Variants in PLS3 observed in about 807,000 individuals in gnomAD.
PLS3 encodes the protein plastin-3.
In PLS3, 11 loss-of-function variants were observed where a neutral mutation model predicts 46.5. That is an observed-to-expected ratio of 0.24 (90% CI 0.15 to 0.39). PLS3 has a LOEUF of 0.39. Among genes scored for constraint, PLS3 ranks in the 10% least tolerant of loss-of-function variants. PLS3 has a pLI of 1.00. For missense variants in PLS3, 308 were observed against 461.8 expected, an observed-to-expected ratio of 0.67 and a Z score of 3.05; for synonymous variants, 167 against 162.2, an observed-to-expected ratio of 1.03 and a Z score of -0.22.
intron 1 of PLS3, among the ~76,000 whole-genome samples, chrX:115,580,659 T>G (rs1157748543): frequency 8.9e-6 from 1 of 111,875 alleles, no homozygotes; most frequent in Non-Finnish European, 1.9e-5. Context: ...CATGTTAATT[T>G]TTAAAAGAAG....
intron 1 of PLS3, among the ~76,000 whole-genome samples, chrX:115,591,148 A>AG (rs1346219953): frequency 8.9e-6 from 1 of 112,643 alleles, no homozygotes; most frequent in African/African-American, 3.2e-5. Flanking sequence ...CAAAAAAAAA[A>AG]CAAACCAAAA....
intron 1 of PLS3, among the ~76,000 whole-genome samples, chrX:115,596,207 A>G (rs1011116938): frequency 3.6e-5 from 4 of 111,973 alleles, no homozygotes; most frequent in Admixed American, 9.5e-5. Context: ...ACGTTATTGA[A>G]CTTGACTATT....
At chrX:115,600,919 A>G (rs973570032) in intron 1 of PLS3, among the ~76,000 whole-genome samples, 6 of 110,748 alleles carry the variant, frequency 5.4e-5, no homozygotes, top group Non-Finnish European at 1.9e-5. Context: ...TATTCTAAGC[A>G]TGAGACGCAG....
At chrX:115,569,260 G>A (rs1363874715) in intron 1 of PLS3, among the ~76,000 whole-genome samples, 1 of 110,602 alleles carries the variant, frequency 9.0e-6, no homozygotes, top group East Asian at 2.8e-4. Flanking sequence ...AACTGTTAAT[G>A]GGGGAAGGGA....
chrX:115,587,651 C>T (rs2074318145), intron 1 of PLS3, among the ~76,000 whole-genome samples: 1 of 107,409 alleles, frequency 9.3e-6, no homozygotes. Context: ...AGGAGAATGG[C>T]GTGAACTAGG....
At chrX:115,638,890 A>G (rs1276186857) in intron 8 of PLS3, among the ~76,000 whole-genome samples, 1 of 108,085 alleles carries the variant, frequency 9.3e-6, no homozygotes, top group East Asian at 2.9e-4. Context: ...TTTTTTTTGT[A>G]TTTTTAGTAG....
chrX:115,618,011 C>T (rs932854449), intron 2 of PLS3, among the ~76,000 whole-genome samples: 3 of 111,260 alleles, frequency 2.7e-5, no homozygotes, highest in Non-Finnish European at 5.7e-5. Flanking sequence ...ACTGCAGCCT[C>T]GAAATCCTGG....
intron 1 of PLS3, chrX:115,593,593 G>GTGC (rs1272492142): frequency 1.8e-5 from 2 of 110,998 alleles, no homozygotes; most frequent in Admixed American, 1.9e-4. Flanking sequence ...CTGTCTATCA[G>GTGC]TGCTGCGAGA....
chrX:115,630,735 TATATATATTTACAC>T (rs1380991855), intron 5 of PLS3, among the ~76,000 whole-genome samples: 1 of 94,805 alleles, frequency 1.1e-5, no homozygotes, highest in African/African-American at 3.9e-5. Context: ...TATATGTGTG[TATATATATTTACAC>T]ATATATATTT....
chrX:115,629,354 A>G, intron 4 of PLS3, 27 bp downstream of exon 4: 1 of 1,159,403 alleles, frequency 8.6e-7, no homozygotes. Flanking sequence ...CAATAGGTTA[A>G]CACAATGTGC....
intron 5 of PLS3, among the ~76,000 whole-genome samples, chrX:115,630,944 AATAT>A (rs1270062569): frequency 2.1e-5 from 2 of 96,543 alleles, no homozygotes; most frequent in Non-Finnish European, 4.0e-5. Flanking sequence ...ATATATGTAT[AATAT>A]ATATAAAATA....
chrX:115,584,260 T>C (rs1556632166), intron 1 of PLS3, among the ~76,000 whole-genome samples: 2 of 112,450 alleles, frequency 1.8e-5, no homozygotes, highest in African/African-American at 6.5e-5. Context: ...CATACATCCA[T>C]TTAATAAATA....
chrX:115,566,799 C>A (rs2074177346), intron 1 of PLS3, among the ~76,000 whole-genome samples: 1 of 111,337 alleles, frequency 9.0e-6, no homozygotes, highest in Non-Finnish European at 1.9e-5. Context: ...GTGCCTCAGC[C>A]TCCTGAGTAG....
intron 5 of PLS3, among the ~76,000 whole-genome samples, chrX:115,632,948 C>G (rs2147545766): frequency 9.1e-6 from 1 of 110,160 alleles, no homozygotes; most frequent in South Asian, 3.9e-4. Context: ...CTTGCTTAGG[C>G]TAGACTTGAA....
At chrX:115,604,356 G>A (rs1193364842) in intron 1 of PLS3, among the ~76,000 whole-genome samples, 1 of 111,835 alleles carries the variant, frequency 8.9e-6, no homozygotes, top group African/African-American at 3.2e-5. Context: ...CTTTCATGAA[G>A]GATTTGAAGT....
chrX:115,578,214 G>A (rs1440904231), intron 1 of PLS3, among the ~76,000 whole-genome samples: 3 of 111,707 alleles, frequency 2.7e-5, no homozygotes, highest in Non-Finnish European at 5.6e-5. Flanking sequence ...TTGGGGAGAA[G>A]TGTCACTTGA....
At position 115,649,601 on chromosome X, in the gene PLS3, A is replaced by C; in HGVS notation, c.*40A>C. On this transcript the variant is annotated 3_prime_UTR_variant, in exon 16 of 16. Coordinates refer to ENST00000355899, the MANE Select transcript of PLS3 (RefSeq NM_005032.7). The stretch of plus-strand genomic sequence containing the variant: ...ATAAAACAGCCATGCTCCCAGGTGC[A>C]TGATTCGCAGGTCAGCTATTTCCAG... 8.6e-7 allele frequency: 1 copy of C among 1,157,852 alleles called. No homozygotes were observed. Among genetic ancestry groups the C allele is most frequent in the Non-Finnish European group, 1.2e-6 (1 of 856,051 alleles).
intron 2 of PLS3, among the ~76,000 whole-genome samples, chrX:115,620,555 G>GGGGTCATATC (rs1368474213): frequency 9.1e-6 from 1 of 110,200 alleles, no homozygotes; most frequent in Non-Finnish European, 1.9e-5. Flanking sequence ...ATACAAGGAA[G>GGGGTCATATC]GGGTCATATC....
intron 1 of PLS3, among the ~76,000 whole-genome samples, chrX:115,565,641 T>G (rs1556630024): frequency 8.9e-6 from 1 of 112,198 alleles, no homozygotes; most frequent in Non-Finnish European, 1.9e-5. Context: ...TAATCTGGCT[T>G]ATTTCACTTA....
Sources: gnomAD v4.1 joint callset for allele counts (sites outside exome capture counted in the v4.1 genomes callset) on GRCh38, gnomAD v4.1.1 for gene constraint, MANE v1.5 for transcripts, NCBI Gene and HGNC (gene_info 2026-07-23, HGNC 2026-07-21) for gene names.